The following FCRL6 variants were observed in gnomAD, a reference collection of about 807,000 sequenced individuals.
The protein encoded by FCRL6 is Fc receptor-like protein 6.
In FCRL6, 50 loss-of-function variants were observed where a neutral mutation model predicts 49.1. The observed-to-expected ratio is 1.02, with a 90% confidence interval of 0.81 to 1.29. The LOEUF is 1.29. Ranked by LOEUF, FCRL6 falls within the 50% of genes most tolerant of loss-of-function variation. The probability of loss-of-function intolerance (pLI) is 0.00; values close to 1 mark genes in which losing one functional copy is unlikely to be tolerated. For missense variants in FCRL6, 571 were observed against 518.5 expected (o/e 1.10, Z -0.98); for synonymous variants, 213 against 199.6 (o/e 1.07, Z -0.57).
chr1:159,802,348 G>A (rs1662384693), upstream of FCRL6: 1 of 1,586,498 alleles, frequency 6.3e-7, no homozygotes, highest in Admixed American at 1.7e-5. Flanking sequence ...TCGGTCCTGA[G>A]GCCTGGTTGC....
At chr1:159,804,069 A>G (rs1386293660) in intron 1 of FCRL6, among the ~76,000 whole-genome samples, 1 of 152,088 alleles carries the variant, frequency 6.6e-6, no homozygotes, top group African/African-American at 2.4e-5. Context: ...TTTTCTTCTG[A>G]GCTGAACATT....
chr1:159,809,337 C>G, intron 4 of FCRL6, 65 bp from the exon 5 acceptor site: 1 of 1,532,960 alleles, frequency 6.5e-7, no homozygotes, highest in Non-Finnish European at 8.8e-7. Flanking sequence ...GAAGGGTCCC[C>G]AGGAGAGGAG....
intron 1 of FCRL6, among the ~76,000 whole-genome samples, chr1:159,803,954 T>A (rs1571086745): frequency 3.9e-5 from 6 of 152,320 alleles, no homozygotes; most frequent in Admixed American, 3.9e-4. Context: ...GCTATTACTA[T>A]TATTGGCTGT....
intron 6 of FCRL6, among the ~76,000 whole-genome samples, chr1:159,811,346 A>G (rs565475870): frequency 1.4e-4 from 21 of 152,286 alleles, no homozygotes; most frequent in African/African-American, 4.3e-4. Context: ...TGCAGGGGCA[A>G]TGTTATTTTC....
Position 159,809,258 on chromosome 1 carries a change from G to C in FCRL6, c.604+13G>C, listed in dbSNP as rs770229209. 1.3e-6 allele frequency: 2 copies of C among 1,538,258 alleles called. No homozygotes were observed. The highest frequency in any genetic ancestry group is 4.5e-5 in the East Asian group (2 of 44,292). ...GTCAGAGTGCAGGGTAAGTGCGCGA[G>C]AGAGTGGAGATGCCCCCAGGGCCCT... On this transcript the variant is annotated intron_variant, in intron 4 of 9. Coordinates refer to ENST00000368106, the MANE Select transcript of FCRL6 (RefSeq NM_001004310.3).
At chr1:159,814,419 C>T in intron 8 of FCRL6, 127 bp downstream of exon 8, 1 of 688,332 alleles carries the variant, frequency 1.5e-6, no homozygotes, top group Non-Finnish European at 2.6e-6. Flanking sequence ...TCACCAAGAC[C>T]ATCATATTTA....
chr1:159,816,115 A>G lies in FCRL6; in HGVS notation c.*454A>G, dbSNP rs1663387073. 5.5e-6 allele frequency: 1 copy of G among 183,132 alleles called. No individual in the cohort carries two copies. The highest frequency in any genetic ancestry group is 1.2e-4 in the South Asian group (1 of 8,104). 11.3% of individuals were successfully genotyped at this position (183,132 alleles called of 1,614,324 possible). A position where few individuals can be genotyped will look rare whatever the true frequency, so the allele number is the denominator to read the frequency against. On this transcript the variant is annotated 3_prime_UTR_variant, in exon 10 of 10. Transcript: ENST00000368106. The stretch of plus-strand genomic sequence containing the variant: ...CATAGTTGCCTTAACATCATAACAC[A>G]ACACATTTCTCACGCGTTTGTGGTG...
chr1:159,807,490 C>T (rs896402683), intron 2 of FCRL6, among the ~76,000 whole-genome samples: 1 of 152,196 alleles, frequency 6.6e-6, no homozygotes, highest in East Asian at 1.9e-4. Flanking sequence ...TTCTCCTGCT[C>T]ACATCAGTGC....
rs565675893 is a variant in FCRL6, at chr1:159,806,044, G to A, written c.32-552G>A. On this transcript the variant is annotated intron_variant, in intron 1 of 9. Coordinates refer to ENST00000368106, the MANE Select transcript of FCRL6 (RefSeq NM_001004310.3). The stretch of plus-strand genomic sequence containing the variant: ...GAACACAGACTATGTTCCAGGCACA[G>A]GTCTTGGGCATAGAAAATATAGCAA... 6.6e-5 allele frequency among the ~76,000 whole-genome samples: 10 copies of A among 152,372 alleles called. No individual in the cohort carries two copies. The East Asian group carries it at 1.9e-3, about 29-fold the overall frequency.
At chr1:159,810,344 T>G in intron 6 of FCRL6, 128 bp downstream of exon 6, 3 of 1,156,756 alleles carry the variant, frequency 2.6e-6, no homozygotes, top group Non-Finnish European at 2.4e-6. Context: ...CAGGGGGGAC[T>G]TCTCTTCCTG....
In FCRL6 at chr1:159,814,215, T is replaced by C; in HGVS notation, c.1076-6T>C. 1 of 1,613,684 alleles carries C rather than the reference T, an allele frequency of 6.2e-7. No individual in the cohort carries two copies. The highest frequency in any genetic ancestry group is 8.5e-7 in the Non-Finnish European group (1 of 1,179,578). On this transcript the variant is annotated splice_polypyrimidine_tract_variant and splice_region_variant and intron_variant, in intron 7 of 9. Coordinates refer to ENST00000368106, the MANE Select transcript of FCRL6 (RefSeq NM_001004310.3). ...GATCCTATTTAAGCCTCATTCCTTC[T>C]TCCAGTGCATCACCAGAAAGGGAAA...
At chr1:159,811,772 T>C (rs544805530) in intron 6 of FCRL6, among the ~76,000 whole-genome samples, 394 of 152,288 alleles carry the variant, frequency 2.6e-3, no homozygotes, top group Non-Finnish European at 4.2e-3. Flanking sequence ...CCCAGAGCTA[T>C]TGGGGAGGCA....
Position 159,813,545 on chromosome 1 carries a change from T to C in FCRL6, c.1066T>C (p.Tyr356His). 6.2e-7 allele frequency: 1 copy of C among 1,614,042 alleles called. No individual in the cohort carries two copies. Among genetic ancestry groups the C allele is most frequent in the Non-Finnish European group, 8.5e-7 (1 of 1,179,890 alleles). Reference sequence around the variant, plus strand: ...TCCAGGTGGAGAGCAGTGCCCACTATATGCCAACGGTAAGGACTTCCAGCA... The same window carrying C: ...TCCAGGTGGAGAGCAGTGCCCACTACATGCCAACGGTAAGGACTTCCAGCA... ...TAPGGEQCPL[Y>H]ANVHHQKGKD... Residue 356 changes from tyrosine (Y) to histidine (H), a missense_variant, in exon 7 of 10, where the codon TAT (tyrosine) becomes CAT (histidine). Physicochemically the swap from Tyr to His is moderately conservative, Grantham distance 83. Transcript: ENST00000368106.
chr1:159,811,586 C>G (rs114988929), intron 6 of FCRL6, among the ~76,000 whole-genome samples: 1 of 152,208 alleles, frequency 6.6e-6, no homozygotes, highest in African/African-American at 2.4e-5. Flanking sequence ...CTCTGCCTCA[C>G]CAGGTGCCTA....
intron 8 of FCRL6, among the ~76,000 whole-genome samples, chr1:159,815,222 G>A (rs1012138523): frequency 1.3e-5 from 2 of 152,210 alleles, no homozygotes; most frequent in African/African-American, 4.8e-5. Flanking sequence ...AGTTCCCCCA[G>A]GACCTGAGGT....
intron 6 of FCRL6, among the ~76,000 whole-genome samples, chr1:159,811,986 T>C (rs1321982042): frequency 1.3e-5 from 2 of 152,154 alleles, no homozygotes; most frequent in African/African-American, 2.4e-5. Context: ...CCAGACGAGA[T>C]GGTGAAAGAG....
chr1:159,805,548 C>A lies in FCRL6; in HGVS notation c.32-1048C>A, dbSNP rs139996960. Among the ~76,000 whole-genome samples, 635 of 152,328 alleles carry A rather than the reference C, an allele frequency of 4.2e-3. 4 individuals are homozygous for A. Among genetic ancestry groups the A allele is most frequent in the African/African-American group, 0.014 (593 of 41,574 alleles). ...CCAGCTATGACCTTCAATTTCAGGTCTTCCATTGTTTGGGCTATTCAAACC... is the reference window on the plus strand; with the variant it reads ...CCAGCTATGACCTTCAATTTCAGGTATTCCATTGTTTGGGCTATTCAAACC... On this transcript the variant is annotated intron_variant, in intron 1 of 9. Coordinates refer to ENST00000368106, the MANE Select transcript of FCRL6 (RefSeq NM_001004310.3).
chr1:159,808,956 C>T lies in FCRL6; in HGVS notation c.320-5C>T. On this transcript the variant is annotated splice_region_variant and splice_polypyrimidine_tract_variant and intron_variant, in intron 3 of 9. Transcript: ENST00000368106. ...CTCCTGAGTCCTGGGCCTGCATCTCCCCAGAGCTGTTTCCACCTCCTGTGC... is the reference window on the plus strand; with the variant it reads ...CTCCTGAGTCCTGGGCCTGCATCTCTCCAGAGCTGTTTCCACCTCCTGTGC... 1 of 1,598,302 alleles carries T rather than the reference C, an allele frequency of 6.3e-7. No homozygotes were observed. Among genetic ancestry groups the T allele is most frequent in the Non-Finnish European group, 8.5e-7 (1 of 1,171,556 alleles).
rs114988929 is a variant in FCRL6, at chr1:159,811,586, C to T, written c.1009+1370C>T. Among the ~76,000 whole-genome samples, 756 of 152,320 alleles carry T rather than the reference C, an allele frequency of 5.0e-3. 8 individuals carry two copies. Among genetic ancestry groups the T allele is most frequent in the African/African-American group, 0.017 (715 of 41,558 alleles). On this transcript the variant is annotated intron_variant, in intron 6 of 9. Transcript: ENST00000368106. Reference sequence around the variant, plus strand: ...CCCCTAGTCCCAACACTCTGCCTCACCAGGTGCCTAGTTAAGGCTTGGACC... The same window carrying T: ...CCCCTAGTCCCAACACTCTGCCTCATCAGGTGCCTAGTTAAGGCTTGGACC...
Sources: allele counts gnomAD v4.1 joint callset (sites outside exome capture counted in the v4.1 genomes callset), GRCh38; gene constraint gnomAD v4.1.1; transcripts MANE v1.5; gene names NCBI Gene and HGNC (gene_info 2026-07-23, HGNC 2026-07-21).